The following PRKCA variants were observed in gnomAD, a reference collection of about 807,000 sequenced individuals.
PRKCA encodes protein kinase C alpha, also known as protein kinase C alpha type.
In PRKCA, 27 loss-of-function variants were observed where a neutral mutation model predicts 87.0. The ratio of observed to expected loss-of-function variants is 0.31; its 90% CI spans 0.23 to 0.43. The LOEUF (loss-of-function observed/expected upper bound fraction) is 0.43. Ranked by LOEUF, PRKCA falls within the 20% of genes least tolerant of loss-of-function variation. The pLI, the probability that PRKCA is intolerant of heterozygous loss-of-function variation, is 1.00. For missense variants in PRKCA, 518 were observed against 852.3 expected (o/e 0.61, Z 4.88); for synonymous variants, 329 against 311.1 (o/e 1.06, Z -0.61).
chr17:66,581,307 G>C (rs1240939792), intron 3 of PRKCA, among the ~76,000 whole-genome samples: 1 of 152,158 alleles, frequency 6.6e-6, no homozygotes, highest in Non-Finnish European at 1.5e-5. Flanking sequence ...AGCTGTCTTG[G>C]ACAATATATG....
intron 2 of PRKCA, among the ~76,000 whole-genome samples, chr17:66,419,621 T>C (rs1434005662): frequency 6.6e-6 from 1 of 152,178 alleles, no homozygotes; most frequent in African/African-American, 2.4e-5. Context: ...TATCTGTCTT[T>C]AGTCACTTGA....
At chr17:66,384,492 C>T (rs911622827) in intron 2 of PRKCA, among the ~76,000 whole-genome samples, 6 of 152,000 alleles carry the variant, frequency 3.9e-5, no homozygotes, top group East Asian at 1.9e-4. Context: ...TAGAATAAAA[C>T]GTTTTCTTAT....
rs529349614 is a variant in PRKCA, at chr17:66,378,689, A to G, written c.205+72562A>G. On this transcript the variant is annotated intron_variant, in intron 2 of 16. Transcript: ENST00000413366. ...CCAAGGCGGGCAAATCATTGAGGCC[A>G]GGAGTTCAAGACTGTCCTGTCCAAC... 2.0e-5 allele frequency among the ~76,000 whole-genome samples: 3 copies of G among 152,244 alleles called. No homozygotes were observed. The East Asian group carries it at 5.8e-4, about 29-fold the overall frequency.
intron 2 of PRKCA, among the ~76,000 whole-genome samples, chr17:66,317,128 T>C (rs1373538061): frequency 1.4e-5 from 2 of 147,926 alleles, no homozygotes; most frequent in African/African-American, 2.5e-5. Flanking sequence ...GGTGACAGAG[T>C]GAGACTCTGT....
At chr17:66,315,031 A>G (rs947063028) in intron 2 of PRKCA, among the ~76,000 whole-genome samples, 7 of 151,394 alleles carry the variant, frequency 4.6e-5, no homozygotes, top group East Asian at 1.9e-4. Context: ...GTGTGTGTGT[A>G]TATATATATA....
chr17:66,705,100 C>G (rs1973159798), intron 8 of PRKCA, among the ~76,000 whole-genome samples: 1 of 152,158 alleles, frequency 6.6e-6, no homozygotes, highest in Admixed American at 6.5e-5. Flanking sequence ...CTATGTGCCC[C>G]AATATGCTCT....
At chr17:66,305,511 A>G (rs1904769415) in intron 1 of PRKCA, among the ~76,000 whole-genome samples, 1 of 152,232 alleles carries the variant, frequency 6.6e-6, no homozygotes, top group South Asian at 2.1e-4. Flanking sequence ...TTTGAATGCT[A>G]TTGGTTCTCA....
intron 2 of PRKCA, among the ~76,000 whole-genome samples, chr17:66,466,280 G>A (rs946568872): frequency 6.6e-6 from 1 of 152,202 alleles, no homozygotes; most frequent in Non-Finnish European, 1.5e-5. Context: ...GTGTGTGGGT[G>A]GAGGAAGCAT....
rs558808157 is a variant in PRKCA at position 66,492,202 on chromosome 17, C to T, written c.206-3999C>T. Among the ~76,000 whole-genome samples the T allele has an allele frequency of 3.3e-5, 5 of 152,118 alleles. No individual in the cohort carries two copies. In the East Asian group the frequency reaches 7.7e-4, roughly 24 times the overall value. On this transcript the variant is annotated intron_variant, in intron 2 of 16. Transcript: ENST00000413366. The stretch of plus-strand genomic sequence containing the variant: ...TCCAGTCCTTCAAATGGGAAGCTTT[C>T]GTGTAAGGTAGGTGGGGAGGGGGTA...
chr17:66,627,192 G>C (rs1970881185), intron 3 of PRKCA, among the ~76,000 whole-genome samples: 1 of 152,208 alleles, frequency 6.6e-6, no homozygotes, highest in Non-Finnish European at 1.5e-5. Flanking sequence ...AATGTGCACA[G>C]TAGGTTTCTG....
rs1347832024 is a variant in PRKCA, at chr17:66,689,493, T to G, written c.918+446T>G. ...ACAGAAAGTACAAGGTTCCTAATTTTGTTCTGAAAGAGCAGCTTAAACAAA... is the reference window on the plus strand; with the variant it reads ...ACAGAAAGTACAAGGTTCCTAATTTGGTTCTGAAAGAGCAGCTTAAACAAA... On this transcript the variant is annotated intron_variant, in intron 8 of 16. Transcript: ENST00000413366. This position sits in a 1 kb window ranked among gnomAD's most constrained non-coding sequence, Gnocchi z 4.1. 6.6e-6 allele frequency among the ~76,000 whole-genome samples: 1 copy of G among 152,230 alleles called. No homozygotes were observed. The highest frequency in any genetic ancestry group is 1.5e-5 in the Non-Finnish European group (1 of 68,040).
At chr17:66,660,390 A>G (rs979560944) in intron 5 of PRKCA, among the ~76,000 whole-genome samples, 6 of 152,174 alleles carry the variant, frequency 3.9e-5, no homozygotes, top group African/African-American at 1.2e-4. Context: ...CTTCCTTGTC[A>G]AGTTGCTCAT....
chr17:66,514,283 T>C (rs1207165378), intron 3 of PRKCA, among the ~76,000 whole-genome samples: 1 of 152,150 alleles, frequency 6.6e-6, no homozygotes, highest in African/African-American at 2.4e-5. Flanking sequence ...TGTACCTTTC[T>C]CTAGTCTAAG....
intron 3 of PRKCA, among the ~76,000 whole-genome samples, chr17:66,550,222 C>T (rs1968283543): frequency 6.6e-6 from 1 of 152,206 alleles, no homozygotes; most frequent in African/African-American, 2.4e-5. Context: ...TGTTCATCTG[C>T]TTCTAAGCCA....
At chr17:66,523,411 G>C (rs1483845885) in intron 3 of PRKCA, among the ~76,000 whole-genome samples, 3 of 152,064 alleles carry the variant, frequency 2.0e-5, no homozygotes, top group African/African-American at 7.2e-5. Flanking sequence ...CCTTGAGCAG[G>C]GCATTTAACC....
At chr17:66,423,178 G>T (rs560205279) in intron 2 of PRKCA, among the ~76,000 whole-genome samples, 3 of 152,138 alleles carry the variant, frequency 2.0e-5, no homozygotes, top group African/African-American at 7.2e-5. Context: ...TAGCAAAAGC[G>T]TTGGGGATTG....
At chr17:66,462,651 A>G (rs1914903781) in intron 2 of PRKCA, among the ~76,000 whole-genome samples, 2 of 152,148 alleles carry the variant, frequency 1.3e-5, no homozygotes, top group South Asian at 4.1e-4. Flanking sequence ...ACTTTTTTGT[A>G]AGCCATGATA....
At chr17:66,456,408 G>C (rs1028847684) in intron 2 of PRKCA, among the ~76,000 whole-genome samples, 1 of 152,110 alleles carries the variant, frequency 6.6e-6, no homozygotes, top group Admixed American at 6.5e-5. Flanking sequence ...TTTAAGAGCC[G>C]TAAGTGGCCT....
chr17:66,799,846 A>G (rs563302495), intron 16 of PRKCA, among the ~76,000 whole-genome samples: 81 of 152,160 alleles, frequency 5.3e-4, no homozygotes, highest in African/African-American at 1.8e-3. Context: ...CAGACCTTCT[A>G]TGGTGGAAAA....
Sources: gnomAD v4.1 joint callset for allele counts (sites outside exome capture counted in the v4.1 genomes callset) on GRCh38, gnomAD v4.1.1 for gene constraint, Gnocchi (gnomAD v3.1) non-coding constraint, MANE v1.5 for transcripts, NCBI Gene and HGNC (gene_info 2026-07-23, HGNC 2026-07-21) for gene names.